Variants in ATL3 observed in about 807,000 individuals in gnomAD.
ATL3 encodes the protein atlastin-3.
A neutral mutation model predicts 69.5 loss-of-function variants in ATL3; 49 were observed. The ratio of observed to expected loss-of-function variants is 0.71; its 90% CI spans 0.56 to 0.89. ATL3 has a LOEUF of 0.89. Ranked by LOEUF, ATL3 falls within the 40% of genes least tolerant of loss-of-function variation. The pLI, the probability that ATL3 is intolerant of heterozygous loss-of-function variation, is 0.00. For synonymous variants in ATL3, 214 were observed against 224.1 expected, an observed-to-expected ratio of 0.95 and a Z score of 0.40; for missense variants, 606 against 645.7, an observed-to-expected ratio of 0.94 and a Z score of 0.67.
chr11:63,639,736 C>T (rs1939628973), intron 8 of ATL3, among the ~76,000 whole-genome samples: 1 of 152,104 alleles, frequency 6.6e-6, no homozygotes, highest in Admixed American at 6.5e-5. Flanking sequence ...TCCTGGGCAA[C>T]AGAGCAAGAC....
intron 1 of ATL3, among the ~76,000 whole-genome samples, chr11:63,664,756 C>T (rs2134538947): frequency 6.6e-6 from 1 of 151,422 alleles, no homozygotes; most frequent in South Asian, 2.1e-4. Flanking sequence ...CACAGGCATG[C>T]ACCTCCATGC....
rs1051143316 is a variant in ATL3, at chr11:63,624,499, G to A, written c.*4820C>T. 4 of 152,062 alleles carry A rather than the reference G, an allele frequency of 2.6e-5. No homozygotes were observed. The highest frequency in any genetic ancestry group is 4.4e-5 in the Non-Finnish European group (3 of 68,004). 9.4% of individuals were successfully genotyped at this position (152,062 alleles called of 1,614,324 possible). The stretch of plus-strand genomic sequence containing the variant: ...CTGTTTTGCAAAGTTTCTGATATGG[G>A]GTACTTAGGTCACTAATGACAGGAA... On this transcript the variant is annotated 3_prime_UTR_variant, in exon 13 of 13. Transcript: ENST00000398868.
At chr11:63,666,161 G>A (rs1278737606) in intron 1 of ATL3, among the ~76,000 whole-genome samples, 6 of 151,956 alleles carry the variant, frequency 3.9e-5, no homozygotes, top group Non-Finnish European at 8.8e-5. Context: ...TCCTGCCTCA[G>A]CCTCCTAAGT....
intron 1 of ATL3, among the ~76,000 whole-genome samples, chr11:63,664,582 A>G (rs770141367): frequency 4.6e-5 from 7 of 151,882 alleles, no homozygotes; most frequent in Non-Finnish European, 1.0e-4. Flanking sequence ...AATGAGCAAT[A>G]TCAATGTAAT....
intron 5 of ATL3, among the ~76,000 whole-genome samples, chr11:63,647,473 G>A (rs938963517): frequency 1.2e-4 from 18 of 152,280 alleles, no homozygotes; most frequent in African/African-American, 2.2e-4. Context: ...GATTACAGGC[G>A]TGAGCCACCA....
chr11:63,664,088 G>A (rs1940502674), intron 1 of ATL3, among the ~76,000 whole-genome samples: 1 of 152,200 alleles, frequency 6.6e-6, no homozygotes, highest in African/African-American at 2.4e-5. Flanking sequence ...TCACTTCTGT[G>A]TGAAAGAAAA....
chr11:63,671,704 A>C (rs1346570388), upstream of ATL3: 2 of 1,297,804 alleles, frequency 1.5e-6, no homozygotes, highest in Non-Finnish European at 2.0e-6. Flanking sequence ...GGTCCCGGCC[A>C]GCGGTCCTCA....
intron 10 of ATL3, among the ~76,000 whole-genome samples, chr11:63,634,142 T>C (rs1939431228): frequency 1.5e-5 from 2 of 137,058 alleles, no homozygotes; most frequent in Admixed American, 1.5e-4. Flanking sequence ...AGTCCAAGAA[T>C]TCAACACCAG....
intron 10 of ATL3, among the ~76,000 whole-genome samples, chr11:63,634,696 T>G (rs1239091942): frequency 6.6e-6 from 1 of 152,102 alleles, no homozygotes; most frequent in African/African-American, 2.4e-5. Context: ...TAGTGAATAG[T>G]AAACAGGTGT....
chr11:63,633,170 ATCT>A (rs762387720), intron 10 of ATL3, 73 bp from the exon 11 acceptor site: 11 of 1,206,634 alleles, frequency 9.1e-6, no homozygotes, highest in South Asian at 1.2e-5. Flanking sequence ...CCTAACAAAA[ATCT>A]TCTCTATTCC....
chr11:63,657,782 GT>G (rs769974154), intron 3 of ATL3, among the ~76,000 whole-genome samples: 184 of 151,236 alleles, frequency 1.2e-3, no homozygotes, highest in Admixed American at 2.7e-3. Context: ...GAAAATAACA[GT>G]TCATAAAAGA....
intron 5 of ATL3, among the ~76,000 whole-genome samples, chr11:63,647,657 A>G (rs1230302216): frequency 6.6e-6 from 1 of 152,234 alleles, no homozygotes; most frequent in Non-Finnish European, 1.5e-5. Flanking sequence ...TATTAGGCCC[A>G]TAATATTTAT....
chr11:63,646,920 C>T lies in ATL3; in HGVS notation c.562-357G>A, dbSNP rs529486059. Among the ~76,000 whole-genome samples the T allele has an allele frequency of 8.1e-4, 124 of 152,268 alleles. 1 individual carries two copies. The highest frequency in any genetic ancestry group is 2.2e-3 in the Admixed American group (33 of 15,280). On this transcript the variant is annotated intron_variant, in intron 5 of 12. Coordinates refer to ENST00000398868, the MANE Select transcript of ATL3 (RefSeq NM_015459.5). ...CATATAATGGCTTTGCTCAAAACCC[C>T]ACAACCTCATTCAGTATTAAAGCCA...
chr11:63,653,035 T>C (rs942277977), intron 3 of ATL3, among the ~76,000 whole-genome samples: 1 of 151,714 alleles, frequency 6.6e-6, no homozygotes, highest in Non-Finnish European at 1.5e-5. Flanking sequence ...ACATAAAATT[T>C]AAAAAATTAG....
intron 1 of ATL3, among the ~76,000 whole-genome samples, chr11:63,663,262 G>C (rs1729888365): frequency 1.3e-5 from 2 of 152,078 alleles, no homozygotes; most frequent in South Asian, 2.1e-4. Flanking sequence ...GGCAGTACAG[G>C]TGTGTGCCAC....
Position 63,656,096 on chromosome 11 carries a change from C to A in ATL3, c.405+2665G>T, listed in dbSNP as rs12275043. 5.4e-3 allele frequency among the ~76,000 whole-genome samples: 815 copies of A among 151,956 alleles called. 7 individuals are homozygous for A. Among genetic ancestry groups the A allele is most frequent in the African/African-American group, 0.019 (795 of 41,444 alleles). On this transcript the variant is annotated intron_variant, in intron 3 of 12. Coordinates refer to ENST00000398868, the MANE Select transcript of ATL3 (RefSeq NM_015459.5). Reference sequence around the variant, plus strand: ...AAACTTAGCCGGGCGTGGTGGTAGGCGCCTGTAGTCCCAGCTCCTTGGGAG... The same window carrying A: ...AAACTTAGCCGGGCGTGGTGGTAGGAGCCTGTAGTCCCAGCTCCTTGGGAG...
intron 8 of ATL3, among the ~76,000 whole-genome samples, chr11:63,639,218 C>T (rs1296947680): frequency 6.6e-6 from 1 of 152,152 alleles, no homozygotes; most frequent in Non-Finnish European, 1.5e-5. Flanking sequence ...ATTTAGCATC[C>T]AATTTACTCT....
chr11:63,649,983 G>A (rs1049519946), intron 5 of ATL3, among the ~76,000 whole-genome samples: 3 of 151,716 alleles, frequency 2.0e-5, no homozygotes, highest in Admixed American at 1.3e-4. Context: ...CCATGTTCTT[G>A]TAATTACAGA....
intron 12 of ATL3, among the ~76,000 whole-genome samples, chr11:63,630,651 C>T (rs888039433): frequency 2.0e-5 from 3 of 151,094 alleles, no homozygotes; most frequent in East Asian, 2.0e-4. Context: ...CAAAAACTAG[C>T]GGGCCGTGGT....
Sources: allele counts gnomAD v4.1 joint callset (sites outside exome capture counted in the v4.1 genomes callset), GRCh38; gene constraint gnomAD v4.1.1; transcripts MANE v1.5; gene names NCBI Gene and HGNC (gene_info 2026-07-23, HGNC 2026-07-21).